JPT1: variants seen among roughly 807,000 people sequenced by gnomAD.
JPT1 encodes the protein Jupiter microtubule associated homolog 1.
Under a neutral mutation model 17.0 loss-of-function variants are expected in JPT1, and 5 were observed. The observed-to-expected ratio is 0.29, with a 90% CI of 0.15 to 0.62. JPT1 has a LOEUF of 0.62. Ranked by LOEUF, JPT1 falls within the 20% of genes least tolerant of loss-of-function variation. The pLI, the probability that JPT1 is intolerant of heterozygous loss-of-function variation, is 0.85. For synonymous variants in JPT1, 71 were observed against 73.6 expected (o/e 0.96, Z 0.18); for missense variants, 158 against 188.1 (o/e 0.84, Z 0.94).
chr17:75,146,766 C>A, intron 3 of JPT1, 82 bp from the exon 4 acceptor site: 2 of 846,262 alleles, frequency 2.4e-6, no homozygotes, highest in East Asian at 2.7e-5. Context: ...TAGCAGCTAA[C>A]ATCTACTTGA....
chr17:75,141,810 A>G (rs892228980), intron 4 of JPT1, among the ~76,000 whole-genome samples: 1 of 151,220 alleles, frequency 6.6e-6, no homozygotes, highest in Non-Finnish European at 1.5e-5. Flanking sequence ...GCAGTGGCTC[A>G]TGCCTCCCAG....
chr17:75,154,353 C>A lies in JPT1; in HGVS notation c.45G>T (p.Arg15Ser). The change falls in exon 1 of 5, where the codon AGG becomes AGT. Residue 15 changes from arginine (R) to serine (S), a missense_variant. Coordinates refer to ENST00000409753, the MANE Select transcript of JPT1 (RefSeq NM_016185.4). ...TTFKGVDPNS[R>S]NSSRVLRPPG... Reference sequence around the variant, plus strand: ...CCCGGTCGCCTCACCGGGAGCTATTCCTGCTGTTGGGGTCGACTCCCTTGA... The same window carrying A: ...CCCGGTCGCCTCACCGGGAGCTATTACTGCTGTTGGGGTCGACTCCCTTGA... 1 of 1,548,002 alleles carries A rather than the reference C, an allele frequency of 6.5e-7. No individual in the cohort carries two copies.
intron 4 of JPT1, among the ~76,000 whole-genome samples, chr17:75,136,846 C>T (rs1263289876): frequency 1.3e-5 from 2 of 152,158 alleles, no homozygotes; most frequent in African/African-American, 4.8e-5. Context: ...CGGCCCCTTC[C>T]AGCTCCGGGT....
At chr17:75,152,599 A>G (rs1335098483) in intron 1 of JPT1, among the ~76,000 whole-genome samples, 1 of 152,234 alleles carries the variant, frequency 6.6e-6, no homozygotes, top group East Asian at 1.9e-4. Flanking sequence ...AAATGTACAC[A>G]TGAAAAACTA....
In JPT1 at chr17:75,149,741, T is replaced by A. The variant is rs778831714; in HGVS notation, c.57-1070A>T. On this transcript the variant is annotated intron_variant, in intron 1 of 4. Coordinates refer to ENST00000409753, the MANE Select transcript of JPT1 (RefSeq NM_016185.4). Reference sequence around the variant, plus strand: ...AGATAAATAACTTGGGCACGATCAGTAGCAGGCCCCTATAGTCCCAGCCAT... The same window carrying A: ...AGATAAATAACTTGGGCACGATCAGAAGCAGGCCCCTATAGTCCCAGCCAT... Among the ~76,000 whole-genome samples, 11 of 152,100 alleles carry A rather than the reference T, an allele frequency of 7.2e-5. No homozygotes were observed. In the South Asian group the frequency reaches 1.0e-3, roughly 14 times the overall value.
chr17:75,136,171 C>G lies in JPT1; in HGVS notation c.396G>C (p.Pro132=). 1 of 1,614,132 alleles carries G rather than the reference C, an allele frequency of 6.2e-7. No homozygotes were observed. The highest frequency in any genetic ancestry group is 8.5e-7 in the Non-Finnish European group (1 of 1,180,016). The change falls in exon 5 of 5, where the codon CCG becomes CCC. Residue 132 remains proline (P), a synonymous_variant. Coordinates refer to ENST00000409753, the MANE Select transcript of JPT1 (RefSeq NM_016185.4). Reference sequence around the variant, plus strand: ...TGGATGGCACTGGGGCCGGGGCCACCGGGCTGGGCACAGGCGCAGCAGGCA... The same window carrying G: ...TGGATGGCACTGGGGCCGGGGCCACGGGGCTGGGCACAGGCGCAGCAGGCA... ...KPVPAAPVPS[P]VAPAPVPSRR...
chr17:75,148,448 C>A (rs2074482350), intron 2 of JPT1, 81 bp downstream of exon 2: 2 of 1,530,642 alleles, frequency 1.3e-6, no homozygotes, highest in African/African-American at 1.4e-5. Context: ...CACGGGGGCA[C>A]ATGCTGGTGC....
chr17:75,142,965 T>G (rs1372148294), intron 4 of JPT1, among the ~76,000 whole-genome samples: 2 of 152,134 alleles, frequency 1.3e-5, no homozygotes, highest in Non-Finnish European at 1.5e-5. Flanking sequence ...GTCTTTTGAA[T>G]GGGGTGCATT....
intron 1 of JPT1, chr17:75,152,820 G>T (rs2074575045): frequency 6.6e-6 from 1 of 152,174 alleles, no homozygotes; most frequent in South Asian, 2.1e-4. Flanking sequence ...AAAGAAAACA[G>T]AAAGGGAGCG....
chr17:75,154,511 C>G lies in JPT1; in HGVS notation c.-114G>C. The G allele has an allele frequency of 1.0e-6, 1 of 952,920 alleles. No homozygotes were observed. The highest frequency in any genetic ancestry group is 1.5e-6 in the Non-Finnish European group (1 of 647,198). The allele number at this position is 952,920 out of a possible 1,614,324, so 59.0% of individuals were successfully genotyped here. ...CCGACCACCGCTGCAGGAGCCGCCGCTGCCGCCTGTCCGGCCGATCGACGC... is the reference window on the plus strand; with the variant it reads ...CCGACCACCGCTGCAGGAGCCGCCGGTGCCGCCTGTCCGGCCGATCGACGC... On this transcript the variant is annotated 5_prime_UTR_variant, in exon 1 of 5. Transcript: ENST00000409753.
intron 2 of JPT1, chr17:75,148,005 TCAAAAA>T (rs752134575): frequency 7.5e-5 from 18 of 239,112 alleles, no homozygotes; most frequent in South Asian, 1.6e-4. Flanking sequence ...GACTCTTATC[TCAAAAA>T]CAAAAACAAA....
Position 75,154,423 on chromosome 17 carries a change from C to G in JPT1, c.-26G>C. 5.2e-6 allele frequency: 8 copies of G among 1,545,940 alleles called. No homozygotes were observed. Among genetic ancestry groups the G allele is most frequent in the Non-Finnish European group, 7.0e-6 (8 of 1,144,798 alleles). On this transcript the variant is annotated 5_prime_UTR_variant, in exon 1 of 5. Transcript: ENST00000409753. ...GGCGCCGAGGAGCGAGGTAGGCTGG[C>G]GCCGGAGCAGAACGCTCAAAGGGTC...
At chr17:75,146,126 T>C (rs1183459539) in intron 4 of JPT1, among the ~76,000 whole-genome samples, 2 of 152,036 alleles carry the variant, frequency 1.3e-5, no homozygotes, top group South Asian at 2.1e-4. Context: ...CTGATTAATA[T>C]GTATGTGTGT....
At chr17:75,143,839 GA>G (rs903962686) in intron 4 of JPT1, among the ~76,000 whole-genome samples, 30 of 143,286 alleles carry the variant, frequency 2.1e-4, no homozygotes, top group African/African-American at 7.4e-4. Flanking sequence ...CTCCATCTCA[GA>G]AAAAAAAAAG....
At chr17:75,151,506 A>C (rs1235765202) in intron 1 of JPT1, among the ~76,000 whole-genome samples, 1 of 151,906 alleles carries the variant, frequency 6.6e-6, no homozygotes, top group African/African-American at 2.4e-5. Flanking sequence ...ATGTACAAAA[A>C]TTAGCTGGGC....
chr17:75,143,106 C>G (rs934987719), intron 4 of JPT1, among the ~76,000 whole-genome samples: 7 of 152,298 alleles, frequency 4.6e-5, no homozygotes, highest in African/African-American at 1.7e-4. Context: ...CTGCTCCATA[C>G]CCTGGAGGAG....
intron 2 of JPT1, chr17:75,147,938 G>A (rs1245449589): frequency 2.7e-6 from 1 of 376,030 alleles, no homozygotes; most frequent in Non-Finnish European, 5.0e-6. Flanking sequence ...GGTGGAGGTT[G>A]TGGTGTGCCA....
At position 75,136,007 on chromosome 17, in the gene JPT1, GAAAC is replaced by G. The variant is rs2074186960; in HGVS notation, c.*91_*94del. On this transcript the variant is annotated 3_prime_UTR_variant, in exon 5 of 5. Transcript: ENST00000409753. ...AGTACATAAAGTGCTTCTTTTTAAT[GAAAC>G]AAATCCAAGAGATGTACAGTCAGGC... is the stretch of plus-strand genomic sequence containing the variant. 1.9e-6 allele frequency: 3 copies of G among 1,605,900 alleles called. No individual in the cohort carries two copies. In the East Asian group the frequency reaches 6.7e-5, roughly 36 times the overall value.
At chr17:75,142,073 AAAC>A (rs2074323872) in intron 4 of JPT1, among the ~76,000 whole-genome samples, 1 of 152,074 alleles carries the variant, frequency 6.6e-6, no homozygotes, top group African/African-American at 2.4e-5. Context: ...TGTCTCGAAA[AAAC>A]AAAAACTGTG....
Sources: gnomAD v4.1 joint callset for allele counts (sites outside exome capture counted in the v4.1 genomes callset) on GRCh38, gnomAD v4.1.1 for gene constraint, MANE v1.5 for transcripts, NCBI Gene and HGNC (gene_info 2026-07-23, HGNC 2026-07-21) for gene names.